FOCAD: variants seen among roughly 807,000 people sequenced by gnomAD.
FOCAD encodes KIAA1797.
FOCAD carries 198 observed loss-of-function variants against 225.6 expected under a neutral mutation model. The observed-to-expected ratio is 0.88, with a 90% CI of 0.78 to 0.99. The LOEUF (loss-of-function observed/expected upper bound fraction) is 0.99. Among genes scored for constraint, FOCAD ranks in the 50% least tolerant of loss-of-function variants. FOCAD has a pLI of 0.00. For synonymous variants in FOCAD, 897 were observed against 755.0 expected (o/e 1.19, Z -3.08); for missense variants, 2,713 against 2,123.6 (o/e 1.28, Z -5.46).
At chr9:20,664,243 A>C (rs974773222) in intron 2 of FOCAD, among the ~76,000 whole-genome samples, 1 of 150,876 alleles carries the variant, frequency 6.6e-6, no homozygotes, top group Non-Finnish European at 1.5e-5. Flanking sequence ...TATTAAATTT[A>C]TATCTATTTG....
At chr9:20,780,196 T>C (rs911574780) in intron 9 of FOCAD, among the ~76,000 whole-genome samples, 1 of 152,250 alleles carries the variant, frequency 6.6e-6, no homozygotes, top group African/African-American at 2.4e-5. Flanking sequence ...TGTGATCATT[T>C]GTAGTTAATC....
chr9:20,822,895 GA>G (rs1824477759), intron 14 of FOCAD, 93 bp from the exon 15 acceptor site: 1 of 1,254,324 alleles, frequency 8.0e-7, no homozygotes, highest in African/African-American at 1.6e-5. Flanking sequence ...CAAGAGTATA[GA>G]AAATGATGGA....
At chr9:20,792,732 A>G (rs563196101) in intron 11 of FOCAD, among the ~76,000 whole-genome samples, 8 of 152,202 alleles carry the variant, frequency 5.3e-5, no homozygotes, top group Admixed American at 1.3e-4. Context: ...CAGAGCTTCA[A>G]TTTTTTTCCA....
At chr9:20,845,255 A>T (rs937172590) in intron 15 of FOCAD, among the ~76,000 whole-genome samples, 2 of 152,024 alleles carry the variant, frequency 1.3e-5, no homozygotes, top group Non-Finnish European at 2.9e-5. Flanking sequence ...GCAGAATTAG[A>T]AGCAAAAATT....
chr9:20,823,862 G>A (rs1471542597), intron 15 of FOCAD, among the ~76,000 whole-genome samples: 1 of 152,036 alleles, frequency 6.6e-6, no homozygotes, highest in Admixed American at 6.6e-5. Flanking sequence ...CATATTGAGC[G>A]TTATGCTCGT....
intron 21 of FOCAD, among the ~76,000 whole-genome samples, chr9:20,894,220 T>C (rs962504581): frequency 2.6e-5 from 4 of 152,180 alleles, no homozygotes; most frequent in Non-Finnish European, 5.9e-5. Flanking sequence ...GACTTCTTTT[T>C]AGTGTTGAAT....
intron 1 of FOCAD, among the ~76,000 whole-genome samples, chr9:20,700,903 G>T (rs1587262573): frequency 6.6e-6 from 1 of 152,214 alleles, no homozygotes; most frequent in African/African-American, 2.4e-5. Context: ...TGAACAAGAA[G>T]CTGCTTCTCT....
intron 2 of FOCAD, among the ~76,000 whole-genome samples, chr9:20,664,870 A>G (rs1408347895): frequency 6.6e-6 from 1 of 152,128 alleles, no homozygotes; most frequent in Non-Finnish European, 1.5e-5. Flanking sequence ...ATAAAGTTTA[A>G]TGTATGTCAT....
chr9:20,849,157 A>G (rs1827406806), intron 15 of FOCAD, among the ~76,000 whole-genome samples: 1 of 151,998 alleles, frequency 6.6e-6, no homozygotes, highest in South Asian at 2.1e-4. Context: ...TCTTGAGTGA[A>G]AAGAGCCATG....
intron 10 of FOCAD, among the ~76,000 whole-genome samples, chr9:20,788,154 GA>G (rs1820129838): frequency 1.3e-5 from 2 of 152,202 alleles, no homozygotes; most frequent in African/African-American, 4.8e-5. Context: ...ATGAATTATT[GA>G]TAGAAGTAAC....
intron 5 of FOCAD, among the ~76,000 whole-genome samples, chr9:20,742,179 A>C (rs925021901): frequency 2.0e-5 from 3 of 152,184 alleles, no homozygotes; most frequent in Non-Finnish European, 4.4e-5. Context: ...TGCCCATTAG[A>C]ACCACCTGGG....
intron 15 of FOCAD, among the ~76,000 whole-genome samples, chr9:20,854,084 T>G (rs1827930240): frequency 1.3e-5 from 2 of 151,736 alleles, no homozygotes; most frequent in African/African-American, 4.8e-5. Context: ...AAAGGGCAAA[T>G]AAGGCAGTTT....
At chr9:20,844,979 T>C (rs996592267) in intron 15 of FOCAD, among the ~76,000 whole-genome samples, 3 of 151,912 alleles carry the variant, frequency 2.0e-5, no homozygotes, top group Non-Finnish European at 4.4e-5. Flanking sequence ...TTTGTATTTC[T>C]GTGAGCTACT....
chr9:20,793,969 G>A (rs542372336), intron 11 of FOCAD, among the ~76,000 whole-genome samples: 40 of 152,290 alleles, frequency 2.6e-4, no homozygotes, highest in African/African-American at 9.4e-4. Context: ...ACCTGAAGTG[G>A]AGCAGTAAGT....
chr9:20,824,958 C>T (rs773606276), intron 15 of FOCAD, among the ~76,000 whole-genome samples: 3 of 151,758 alleles, frequency 2.0e-5, no homozygotes, highest in Non-Finnish European at 4.4e-5. Flanking sequence ...ATAGATATTA[C>T]CAATGTCCAG....
chr9:20,951,622 C>A (rs1837697759), intron 34 of FOCAD, among the ~76,000 whole-genome samples: 1 of 152,062 alleles, frequency 6.6e-6, no homozygotes, highest in African/African-American at 2.4e-5. Context: ...TGGGGTAGTA[C>A]ATTTAAAGGT....
intron 15 of FOCAD, among the ~76,000 whole-genome samples, chr9:20,848,217 A>G (rs1827310067): frequency 6.6e-6 from 1 of 152,048 alleles, no homozygotes; most frequent in Admixed American, 6.6e-5. Flanking sequence ...GCCATGTAGA[A>G]ATATGACTGG....
At chr9:20,688,806 C>G (rs1241652848) in intron 1 of FOCAD, among the ~76,000 whole-genome samples, 2 of 152,166 alleles carry the variant, frequency 1.3e-5, no homozygotes, top group Non-Finnish European at 2.9e-5. Context: ...AAAGAGCTAA[C>G]TACAGTTTTT....
chr9:20,776,308 G>A (rs1053255021), intron 8 of FOCAD, among the ~76,000 whole-genome samples: 1 of 152,216 alleles, frequency 6.6e-6, no homozygotes, highest in African/African-American at 2.4e-5. Flanking sequence ...GGTGCATGGT[G>A]GAGCTTCAGG....
Sources: allele counts gnomAD v4.1 joint callset (sites outside exome capture counted in the v4.1 genomes callset), GRCh38; gene constraint gnomAD v4.1.1; transcripts MANE v1.5; gene names NCBI Gene and HGNC (gene_info 2026-07-23, HGNC 2026-07-21).